Variants in LRFN2 observed in about 807,000 individuals in gnomAD.
LRFN2 encodes the protein leucine-rich repeat and fibronectin type-III domain-containing protein 2.
LRFN2 carries 18 observed loss-of-function variants against 37.3 expected under a neutral mutation model. That is an observed-to-expected ratio of 0.48 (90% CI 0.33 to 0.72). The LOEUF (loss-of-function observed/expected upper bound fraction) is 0.72, where lower values mean the gene tolerates loss of function less well. Ranked by LOEUF, LRFN2 falls within the 30% of genes least tolerant of loss-of-function variation. LRFN2 has a pLI of 0.02. For missense variants in LRFN2, 1,006 were observed against 1,060.7 expected, an observed-to-expected ratio of 0.95 and a Z score of 0.72; for synonymous variants, 556 against 466.6, an observed-to-expected ratio of 1.19 and a Z score of -2.47.
chr6:40,429,386 C>T (rs1056496943), intron 2 of LRFN2, among the ~76,000 whole-genome samples: 1 of 152,220 alleles, frequency 6.6e-6, no homozygotes, highest in Non-Finnish European at 1.5e-5. Context: ...CCTGTGCAAA[C>T]TGCAGAGCTG....
chr6:40,465,061 G>C (rs966245388), intron 1 of LRFN2, among the ~76,000 whole-genome samples: 1 of 152,080 alleles, frequency 6.6e-6, no homozygotes, highest in Non-Finnish European at 1.5e-5. Context: ...ATAATCAATA[G>C]GGTCCTTAAA....
rs553473320 is a variant in LRFN2, at chr6:40,471,213, T to A, written c.-18-38082A>T. ...AGGGGATGGGGCTCTTCTTACCGGC[T>A]CCAGAACTGAAGCCAGGGTAGAAGG... On this transcript the variant is annotated intron_variant, in intron 1 of 2. Transcript: ENST00000338305. Among the ~76,000 whole-genome samples, 7 of 152,188 alleles carry A rather than the reference T, an allele frequency of 4.6e-5. No individual in the cohort carries two copies. In the South Asian group the frequency reaches 1.5e-3, roughly 32 times the overall value.
At chr6:40,528,573 G>A (rs568391183) in intron 1 of LRFN2, among the ~76,000 whole-genome samples, 2 of 152,184 alleles carry the variant, frequency 1.3e-5, no homozygotes, top group Non-Finnish European at 2.9e-5. Flanking sequence ...TAGGCTAAGG[G>A]CTCCAGGCTC....
Position 40,550,886 on chromosome 6 carries a change from G to A in LRFN2, c.-19+36055C>T, listed in dbSNP as rs553516077. On this transcript the variant is annotated intron_variant, in intron 1 of 2. Transcript: ENST00000338305. ...AAAACTCCACAGCGTCTCCCCGCGG[G>A]CATGGGGTGAGTATATCATATGTAG... 1.1e-4 allele frequency among the ~76,000 whole-genome samples: 16 copies of A among 152,322 alleles called. 1 individual carries two copies. In the South Asian group the frequency reaches 3.1e-3, roughly 30 times the overall value.
intron 1 of LRFN2, among the ~76,000 whole-genome samples, chr6:40,506,285 C>T (rs564953059): frequency 6.6e-6 from 1 of 152,342 alleles, no homozygotes; most frequent in African/African-American, 2.4e-5. Context: ...AGAATAAAAA[C>T]CATCCGGGTG....
chr6:40,551,598 G>T (rs1404439043), intron 1 of LRFN2, among the ~76,000 whole-genome samples: 1 of 152,154 alleles, frequency 6.6e-6, no homozygotes, highest in Non-Finnish European at 1.5e-5. Flanking sequence ...TAACCTGATG[G>T]CAGGGAGTAG....
At chr6:40,532,482 G>C (rs552347278) in intron 1 of LRFN2, among the ~76,000 whole-genome samples, 148 of 152,318 alleles carry the variant, frequency 9.7e-4, no homozygotes, top group African/African-American at 3.4e-3. Flanking sequence ...ATAGATGAAG[G>C]CTCAGAGAAG....
In LRFN2 at chr6:40,417,745, A is replaced by T. The variant is rs117653020; in HGVS notation, c.1400+13969T>A. ...ATTCTGCCAGAAAAATCATGACAAC[A>T]TGCTGCTTTGTTCCCTACCTAAGTA... On this transcript the variant is annotated intron_variant, in intron 2 of 2. Transcript: ENST00000338305. Among the ~76,000 whole-genome samples the T allele has an allele frequency of 2.8e-3, 420 of 152,146 alleles. 3 individuals are homozygous for T. Among genetic ancestry groups the T allele is most frequent in the East Asian group, 0.016 (83 of 5,146 alleles).
intron 1 of LRFN2, among the ~76,000 whole-genome samples, chr6:40,497,508 TTTC>T (rs1286037537): frequency 3.3e-5 from 5 of 152,316 alleles, no homozygotes; most frequent in African/African-American, 1.2e-4. Context: ...AGCACTCTGT[TTTC>T]TTCTTTTCTC....
chr6:40,434,515 G>C (rs1414005396), intron 1 of LRFN2, among the ~76,000 whole-genome samples: 3 of 139,036 alleles, frequency 2.2e-5, no homozygotes, highest in African/African-American at 8.1e-5. Flanking sequence ...GTCTCACTCT[G>C]TCTCCCAGGG....
At chr6:40,444,086 G>T (rs190094156) in intron 1 of LRFN2, among the ~76,000 whole-genome samples, 38 of 152,338 alleles carry the variant, frequency 2.5e-4, no homozygotes, top group South Asian at 1.0e-3. Context: ...AAACTTGCAT[G>T]TAGTTGCCCG....
intron 1 of LRFN2, among the ~76,000 whole-genome samples, chr6:40,497,378 C>A (rs935437285): frequency 6.6e-6 from 1 of 152,154 alleles, no homozygotes; most frequent in Non-Finnish European, 1.5e-5. Flanking sequence ...GGCTCTACAT[C>A]GTCTTTTCTG....
chr6:40,433,841 C>A (rs1763576631), intron 1 of LRFN2, among the ~76,000 whole-genome samples: 1 of 152,066 alleles, frequency 6.6e-6, no homozygotes, highest in South Asian at 2.1e-4. Flanking sequence ...ATTCTGAACC[C>A]TTCATAAGCA....
At chr6:40,442,514 C>G (rs1303723814) in intron 1 of LRFN2, among the ~76,000 whole-genome samples, 1 of 152,044 alleles carries the variant, frequency 6.6e-6, no homozygotes, top group East Asian at 1.9e-4. Flanking sequence ...TGAGTCTCCC[C>G]TCAGACTGGG....
chr6:40,506,767 A>T (rs188090330), intron 1 of LRFN2, among the ~76,000 whole-genome samples: 2 of 152,188 alleles, frequency 1.3e-5, no homozygotes, highest in Non-Finnish European at 2.9e-5. Context: ...GGAGCCCAGG[A>T]TAGGGACGGT....
chr6:40,429,836 TA>T (rs1303600812), intron 2 of LRFN2, among the ~76,000 whole-genome samples: 4 of 152,228 alleles, frequency 2.6e-5, no homozygotes, highest in Non-Finnish European at 5.9e-5. Context: ...TACAGCCAAA[TA>T]AAAAATATTT....
At chr6:40,490,622 C>A (rs959747431) in intron 1 of LRFN2, among the ~76,000 whole-genome samples, 3 of 152,250 alleles carry the variant, frequency 2.0e-5, no homozygotes, top group African/African-American at 7.2e-5. Flanking sequence ...CTAGAGCTCA[C>A]CATGGCTGGC....
chr6:40,541,455 T>C (rs1365731170), intron 1 of LRFN2, among the ~76,000 whole-genome samples: 3 of 152,146 alleles, frequency 2.0e-5, no homozygotes, highest in African/African-American at 7.2e-5. Context: ...AGGGCTTTGT[T>C]CACCGTAATT....
At chr6:40,508,447 T>G (rs1006481784) in intron 1 of LRFN2, among the ~76,000 whole-genome samples, 5 of 151,886 alleles carry the variant, frequency 3.3e-5, no homozygotes, top group African/African-American at 9.7e-5. Context: ...CAGTGGGTGG[T>G]GGGGGGGATC....
Sources: gnomAD v4.1 joint callset for allele counts (sites outside exome capture counted in the v4.1 genomes callset) on GRCh38, gnomAD v4.1.1 for gene constraint, MANE v1.5 for transcripts, NCBI Gene and HGNC (gene_info 2026-07-23, HGNC 2026-07-21) for gene names.